ANXA8: variants seen among roughly 807,000 people sequenced by gnomAD.
ANXA8 encodes annexin A8.
In ANXA8, 9 loss-of-function variants were observed where a neutral mutation model predicts 26.8. The observed-to-expected ratio is 0.34, with a 90% CI of 0.20 to 0.59. The LOEUF (loss-of-function observed/expected upper bound fraction) is 0.59. Ranked by LOEUF, ANXA8 falls within the 20% of genes least tolerant of loss-of-function variation. The probability of loss-of-function intolerance (pLI) is 0.84; values close to 1 mark genes in which losing one functional copy is unlikely to be tolerated. For synonymous variants in ANXA8, 39 were observed against 94.8 expected, an observed-to-expected ratio of 0.41 and a Z score of 3.42; for missense variants, 83 against 238.5, an observed-to-expected ratio of 0.35 and a Z score of 4.29.
the ANXA8 span, among the ~76,000 whole-genome samples, chr10:47,589,722 A>C: frequency 2.1e-4 from 30 of 144,816 alleles, no homozygotes; most frequent in East Asian, 5.4e-3. Flanking sequence ...CCTGAAAAAA[A>C]TGCTCCCTAA....
chr10:47,485,977 G>A (rs1405084583), upstream of ANXA8, among the ~76,000 whole-genome samples: 10 of 151,776 alleles, frequency 6.6e-5, no homozygotes, highest in Non-Finnish European at 8.8e-5. Context: ...GAGTGGTGGC[G>A]GGCACCTGTA....
the ANXA8 span, among the ~76,000 whole-genome samples, chr10:47,685,405 C>T: frequency 2.7e-5 from 4 of 150,304 alleles, no homozygotes; most frequent in Non-Finnish European, 4.4e-5. Flanking sequence ...TTTTGTGGAT[C>T]TCACATTCAT....
the ANXA8 span, among the ~76,000 whole-genome samples, chr10:47,918,491 GAGAGACACACGC>G: frequency 5.2e-4 from 22 of 41,954 alleles, 1 homozygote; most frequent in Non-Finnish European, 9.3e-4. Flanking sequence ...AGGTGGGCGT[GAGAGACACACGC>G]AGGCAGGGCT....
At chr10:47,624,098 C>A in the ANXA8 span, among the ~76,000 whole-genome samples, 1 of 104,428 alleles carries the variant, frequency 9.6e-6, no homozygotes, top group Non-Finnish European at 2.0e-5. Context: ...AAAAATTAGC[C>A]GGGCATGGTG....
chr10:47,734,770 G>A, the ANXA8 span, among the ~76,000 whole-genome samples: 2 of 134,718 alleles, frequency 1.5e-5, no homozygotes, highest in Non-Finnish European at 3.1e-5. Context: ...TATAATCCCA[G>A]CACTCTGGGA....
the ANXA8 span, among the ~76,000 whole-genome samples, chr10:47,925,655 G>A: frequency 1.2e-5 from 1 of 84,204 alleles, no homozygotes; most frequent in East Asian, 2.7e-4. Context: ...AGCCCAGCTC[G>A]ATTGAATCCA....
chr10:47,979,010 C>G, the ANXA8 span, among the ~76,000 whole-genome samples: 4 of 151,644 alleles, frequency 2.6e-5, no homozygotes, highest in East Asian at 5.8e-4. Context: ...CAAAGGGGAG[C>G]TGGAGTGGCT....
the ANXA8 span, among the ~76,000 whole-genome samples, chr10:47,544,838 T>TG: frequency 2.2e-5 from 3 of 133,444 alleles, 1 homozygote; most frequent in Admixed American, 2.3e-4. Flanking sequence ...GGGCAGTGCC[T>TG]GGTCCTGTAA....
chr10:47,675,948 G>C, the ANXA8 span, among the ~76,000 whole-genome samples: 1 of 151,212 alleles, frequency 6.6e-6, no homozygotes, highest in Non-Finnish European at 1.5e-5. Context: ...ATTAAATAGA[G>C]GTGAAAAATA....
At chr10:47,626,795 G>T in the ANXA8 span, among the ~76,000 whole-genome samples, 81 of 150,358 alleles carry the variant, frequency 5.4e-4, 8 homozygotes, top group African/African-American at 1.9e-3. Context: ...CATGCGCAAA[G>T]GAAGGTAATC....
the ANXA8 span, among the ~76,000 whole-genome samples, chr10:47,894,557 T>TCA: frequency 4.9e-5 from 5 of 102,876 alleles, no homozygotes; most frequent in African/African-American, 2.1e-4. Flanking sequence ...TATACCCCCC[T>TCA]CACACACCAC....
chr10:47,720,474 A>G, the ANXA8 span, among the ~76,000 whole-genome samples: 1 of 147,056 alleles, frequency 6.8e-6, no homozygotes, highest in Non-Finnish European at 1.5e-5. Context: ...CTGTTTTCCC[A>G]CCTTTACCTT....
the ANXA8 span, among the ~76,000 whole-genome samples, chr10:47,743,855 G>T: frequency 6.9e-6 from 1 of 145,538 alleles, no homozygotes; most frequent in African/African-American, 2.6e-5. Context: ...CCGTCTGCAG[G>T]CTCCGTCCCC....
At chr10:47,702,154 T>C in the ANXA8 span, among the ~76,000 whole-genome samples, 28 of 148,878 alleles carry the variant, frequency 1.9e-4, no homozygotes, top group African/African-American at 7.0e-4. Context: ...TGTTATAAAC[T>C]GAGGATTTTT....
the ANXA8 span, among the ~76,000 whole-genome samples, chr10:47,503,818 C>T: frequency 8.1e-6 from 1 of 123,546 alleles, no homozygotes; most frequent in African/African-American, 3.4e-5. Flanking sequence ...CCTGTAATTC[C>T]AGTTACTCGG....
the ANXA8 span, among the ~76,000 whole-genome samples, chr10:47,891,591 TAGAAA>T: frequency 8.7e-3 from 10 of 1,144 alleles, no homozygotes; most frequent in Admixed American, 0.012. Context: ...TACAAATAAA[TAGAAA>T]AAAAAAAAAA....
chr10:47,680,550 G>C, the ANXA8 span, among the ~76,000 whole-genome samples: 1 of 151,772 alleles, frequency 6.6e-6, no homozygotes, highest in Non-Finnish European at 1.5e-5. Flanking sequence ...CGGGAGAATT[G>C]CTTGAACCTG....
chr10:47,986,994 G>T, the ANXA8 span: 1,100 of 537,950 alleles, frequency 2.0e-3, 2 homozygotes, highest in Non-Finnish European at 3.6e-3. Flanking sequence ...ACCCTTCCCA[G>T]CTGATGTGAA....
At chr10:47,683,978 A>G in the ANXA8 span, among the ~76,000 whole-genome samples, 2 of 151,898 alleles carry the variant, frequency 1.3e-5, no homozygotes, top group Non-Finnish European at 2.9e-5. Context: ...AAACCTGCTG[A>G]TACAATTCAT....
Sources: allele counts gnomAD v4.1 joint callset (sites outside exome capture counted in the v4.1 genomes callset), GRCh38; gene constraint gnomAD v4.1.1; transcripts MANE v1.5; gene names NCBI Gene and HGNC (gene_info 2026-07-23, HGNC 2026-07-21).